CDC42BPA: variants seen among roughly 807,000 people sequenced by gnomAD.
The protein encoded by CDC42BPA is CDC42 binding protein kinase alpha.
A neutral mutation model predicts 223.5 loss-of-function variants in CDC42BPA; 80 were observed. The observed-to-expected ratio is 0.36, with a 90% confidence interval of 0.30 to 0.43. The LOEUF (loss-of-function observed/expected upper bound fraction) is 0.43. CDC42BPA is among the 20% of genes least tolerant of loss of function. The probability of loss-of-function intolerance (pLI) is 1.00; values close to 1 mark genes in which losing one functional copy is unlikely to be tolerated. For missense variants in CDC42BPA, 1,743 were observed against 2,099.9 expected (o/e 0.83, Z 3.32); for synonymous variants, 694 against 718.6 (o/e 0.97, Z 0.55).
At chr1:227,254,401 A>C (rs1572660666) in intron 1 of CDC42BPA, among the ~76,000 whole-genome samples, 2 of 152,344 alleles carry the variant, frequency 1.3e-5, no homozygotes, top group Admixed American at 1.3e-4. Context: ...ACTCCAAATA[A>C]CATATAAAAG....
At chr1:227,022,330 A>G (rs922400232) in intron 32 of CDC42BPA, among the ~76,000 whole-genome samples, 32 of 152,030 alleles carry the variant, frequency 2.1e-4, no homozygotes, top group African/African-American at 7.0e-4. Context: ...CTACTCAGCA[A>G]GCTGAGGTGC....
intron 2 of CDC42BPA, among the ~76,000 whole-genome samples, chr1:227,245,438 G>A (rs1169020027): frequency 2.6e-5 from 4 of 151,822 alleles, no homozygotes; most frequent in African/African-American, 4.8e-5. Context: ...CCACAGGCAC[G>A]TGCCACCTCA....
chr1:227,261,343 T>C lies in CDC42BPA; in HGVS notation c.179-7188A>G, dbSNP rs1684032941. 1.3e-5 allele frequency among the ~76,000 whole-genome samples: 2 copies of C among 150,744 alleles called. 1 individual carries two copies. Among genetic ancestry groups the C allele is most frequent in the African/African-American group, 5.0e-5 (2 of 40,118 alleles). On this transcript the variant is annotated intron_variant, in intron 1 of 36. Transcript: ENST00000366766. ...GTTGGCCAGGCTGGTCTTGAACTCC[T>C]GACTTCAGGTGATCTGCCTGCCTTG...
intron 11 of CDC42BPA, among the ~76,000 whole-genome samples, chr1:227,126,035 A>G (rs1689524343): frequency 6.6e-6 from 1 of 151,968 alleles, no homozygotes; most frequent in African/African-American, 2.4e-5. Context: ...ACCACACCCA[A>G]GGGGCTCAAG....
intron 2 of CDC42BPA, among the ~76,000 whole-genome samples, chr1:227,222,781 G>T (rs952691539): frequency 6.6e-6 from 1 of 152,106 alleles, no homozygotes; most frequent in Admixed American, 6.5e-5. Flanking sequence ...TGTATTTTGG[G>T]GTCATCATAC....
chr1:227,283,815 A>C (rs757883381), intron 1 of CDC42BPA, among the ~76,000 whole-genome samples: 27 of 152,216 alleles, frequency 1.8e-4, no homozygotes, highest in Non-Finnish European at 3.5e-4. Flanking sequence ...TCACGCCTGT[A>C]ATCTCAGCAC....
chr1:227,064,024 A>G (rs1482537841), intron 21 of CDC42BPA, among the ~76,000 whole-genome samples: 3 of 152,186 alleles, frequency 2.0e-5, no homozygotes, highest in African/African-American at 7.2e-5. Flanking sequence ...CAGCCTGCCA[A>G]TGTTGTCAGA....
intron 34 of CDC42BPA, among the ~76,000 whole-genome samples, chr1:227,012,470 TCTC>T (rs1665414071): frequency 6.6e-6 from 1 of 152,074 alleles, no homozygotes; most frequent in African/African-American, 2.4e-5. Context: ...TAGCCTCACT[TCTC>T]CTTCCACATT....
intron 1 of CDC42BPA, among the ~76,000 whole-genome samples, chr1:227,304,341 G>A (rs1439771520): frequency 6.6e-6 from 1 of 151,996 alleles, no homozygotes; most frequent in Non-Finnish European, 1.5e-5. Context: ...AGGAGGTAGA[G>A]GTTGCAGTGA....
intron 17 of CDC42BPA, 142 bp downstream of exon 17, chr1:227,080,751 T>C (rs1420106576): frequency 2.2e-6 from 2 of 924,404 alleles, no homozygotes; most frequent in Non-Finnish European, 3.4e-6. Context: ...AGATCAGTAA[T>C]AAAACTGTGC....
chr1:227,156,809 A>G (rs2149774417), intron 6 of CDC42BPA, among the ~76,000 whole-genome samples: 1 of 152,290 alleles, frequency 6.6e-6, no homozygotes, highest in Middle Eastern at 3.4e-3. Flanking sequence ...GCAGGACTGG[A>G]GAATCACTAG....
At chr1:227,051,818 T>C in intron 22 of CDC42BPA, 63 bp downstream of exon 22, 2 of 925,330 alleles carry the variant, frequency 2.2e-6, no homozygotes, top group South Asian at 1.3e-5. Context: ...ACTTGTTTTA[T>C]TCAATTCCCT....
chr1:227,273,339 G>A (rs1686300262), intron 1 of CDC42BPA, among the ~76,000 whole-genome samples: 1 of 150,992 alleles, frequency 6.6e-6, no homozygotes, highest in Non-Finnish European at 1.5e-5. Flanking sequence ...TCCAAGGCGG[G>A]CAGATCACCT....
intron 1 of CDC42BPA, among the ~76,000 whole-genome samples, chr1:227,282,935 G>A (rs1334750461): frequency 6.6e-6 from 1 of 152,164 alleles, no homozygotes; most frequent in African/African-American, 2.4e-5. Flanking sequence ...GCACAACAAT[G>A]TGTATGTACT....
In CDC42BPA at chr1:227,092,304, AC is replaced by A. The variant is rs566703837; in HGVS notation, c.2250-314del. On this transcript the variant is annotated intron_variant, in intron 15 of 36. Transcript: ENST00000366766. ...AGAGCTTATATTCTGGTAGAGGCAG[AC>A]TGCCAATGAAGAGTGAGTAAAATGA... Among the ~76,000 whole-genome samples the A allele has an allele frequency of 4.7e-3, 718 of 152,326 alleles. 3 individuals carry two copies. The highest frequency in any genetic ancestry group is 0.016 in the African/African-American group (651 of 41,578).
chr1:227,197,743 T>G (rs2063665), intron 4 of CDC42BPA, among the ~76,000 whole-genome samples: 1 of 151,880 alleles, frequency 6.6e-6, no homozygotes, highest in Non-Finnish European at 1.5e-5. Flanking sequence ...CAGAATACAC[T>G]GTCATAGTGG....
chr1:227,067,401 A>C (rs2149021154), intron 21 of CDC42BPA, among the ~76,000 whole-genome samples: 1 of 152,268 alleles, frequency 6.6e-6, no homozygotes, highest in African/African-American at 2.4e-5. Context: ...AGGGATGGAG[A>C]GAAGTTTGTT....
chr1:227,283,660 A>G (rs1042197304), intron 1 of CDC42BPA, among the ~76,000 whole-genome samples: 10 of 152,202 alleles, frequency 6.6e-5, no homozygotes, highest in African/African-American at 2.4e-4. Context: ...AAAATTACCA[A>G]TGGATACAAT....
chr1:227,179,743 A>G (rs1258033846), intron 5 of CDC42BPA, among the ~76,000 whole-genome samples: 1 of 148,440 alleles, frequency 6.7e-6, no homozygotes, highest in Non-Finnish European at 1.5e-5. Context: ...AAGTTATACA[A>G]AAAGGTAGAC....
Sources: gnomAD v4.1 joint callset for allele counts (sites outside exome capture counted in the v4.1 genomes callset) on GRCh38, gnomAD v4.1.1 for gene constraint, MANE v1.5 for transcripts, NCBI Gene and HGNC (gene_info 2026-07-23, HGNC 2026-07-21) for gene names.